Variants in HAUS7 observed in about 807,000 individuals in gnomAD.
HAUS7 encodes the protein HAUS augmin-like complex subunit 7.
HAUS7 carries 3 observed loss-of-function variants against 28.4 expected under a neutral mutation model. The observed-to-expected ratio is 0.11, with a 90% CI of 0.05 to 0.27. The LOEUF (loss-of-function observed/expected upper bound fraction) is 0.27. Among genes scored for constraint, HAUS7 ranks in the 10% least tolerant of loss-of-function variants. HAUS7 has a pLI of 1.00. For synonymous variants in HAUS7, 165 were observed against 132.1 expected (o/e 1.25, Z -1.71); for missense variants, 284 against 297.3 (o/e 0.96, Z 0.33).
intron 1 of HAUS7, chrX:153,481,637 T>C: frequency 1.3e-6 from 1 of 755,646 alleles, no homozygotes; most frequent in Non-Finnish European, 1.6e-6. Context: ...CTGACCACAC[T>C]CTACCTGGCA....
At chrX:153,464,817 AGAG>A (rs1427950606) in intron 3 of HAUS7, among the ~76,000 whole-genome samples, 168 bp downstream of exon 3, 3 of 112,013 alleles carry the variant, frequency 2.7e-5, no homozygotes, top group African/African-American at 9.7e-5. Context: ...GGTCCCTGCG[AGAG>A]GAGTTCTCCC....
intron 1 of HAUS7, among the ~76,000 whole-genome samples, chrX:153,484,598 G>A (rs1337088212): frequency 2.7e-5 from 3 of 112,268 alleles, no homozygotes; most frequent in Non-Finnish European, 3.8e-5. Flanking sequence ...GGCGGGGGTC[G>A]ACAGACAGTC....
At chrX:153,479,916 T>C (rs2089588124) in intron 1 of HAUS7, among the ~76,000 whole-genome samples, 1 of 111,553 alleles carries the variant, frequency 9.0e-6, no homozygotes, top group Non-Finnish European at 1.9e-5. Flanking sequence ...ACAGGAGGCA[T>C]TGGGGTTATC....
At chrX:153,462,565 A>T in intron 4 of HAUS7, 45 bp downstream of exon 4, 1 of 1,013,397 alleles carries the variant, frequency 9.9e-7, no homozygotes, top group Non-Finnish European at 1.4e-6. Context: ...TGCCCAGGGC[A>T]GAAAGCGTGC....
At chrX:153,470,874 C>T (rs2089516763), upstream of HAUS7, 1 of 344,953 alleles carries the variant, frequency 2.9e-6, no homozygotes. Context: ...GGGCGGACAC[C>T]GGGAAGGGGC....
At chrX:153,479,457 G>C in intron 1 of HAUS7, 2 of 670,336 alleles carry the variant, frequency 3.0e-6, no homozygotes. Flanking sequence ...TGGGTACTCA[G>C]GCAGGGCTGC....
chrX:153,479,061 G>A (rs1001667768), intron 1 of HAUS7, among the ~76,000 whole-genome samples: 11 of 111,000 alleles, frequency 9.9e-5, no homozygotes, highest in Non-Finnish European at 1.7e-4. Context: ...ACGTTGTGGG[G>A]AGTTGGGGGC....
chrX:153,454,729 G>T, intron 8 of HAUS7: 2 of 499,162 alleles, frequency 4.0e-6, no homozygotes, highest in South Asian at 3.0e-5. Flanking sequence ...TGGCCCAGTG[G>T]GGATGCCACA....
chrX:153,494,620 C>T (rs1556990259), intron 1 of HAUS7, among the ~76,000 whole-genome samples: 2 of 111,075 alleles, frequency 1.8e-5, no homozygotes, highest in Non-Finnish European at 3.8e-5. Flanking sequence ...CTCTGCCTGG[C>T]GAGATGCCAG....
At chrX:153,479,730 C>T (rs781806729) in intron 1 of HAUS7, among the ~76,000 whole-genome samples, 1 of 111,124 alleles carries the variant, frequency 9.0e-6, no homozygotes, top group East Asian at 2.9e-4. Context: ...AGGACATGGG[C>T]TATGAGTGTG....
At chrX:153,458,141 G>A (rs1298185957) in intron 4 of HAUS7, among the ~76,000 whole-genome samples, 1 of 113,324 alleles carries the variant, frequency 8.8e-6, no homozygotes, top group African/African-American at 3.2e-5. Context: ...CGGGGGCAAT[G>A]ATAAGGTAAA....
chrX:153,486,417 G>A (rs1602960414), intron 1 of HAUS7, among the ~76,000 whole-genome samples: 1 of 112,325 alleles, frequency 8.9e-6, no homozygotes, highest in East Asian at 2.8e-4. Flanking sequence ...ACAAGGGCTG[G>A]GGCTGGAGGC....
chrX:153,462,882 G>A (rs1272117320), intron 3 of HAUS7, among the ~76,000 whole-genome samples: 1 of 113,016 alleles, frequency 8.8e-6, no homozygotes, highest in African/African-American at 3.2e-5. Flanking sequence ...ATTAGGAATT[G>A]TACCCAATGC....
At chrX:153,464,153 A>G (rs1399067042) in intron 3 of HAUS7, among the ~76,000 whole-genome samples, 1 of 112,728 alleles carries the variant, frequency 8.9e-6, no homozygotes, top group African/African-American at 3.2e-5. Flanking sequence ...GAGGTAGGCA[A>G]GGCTGGGTTT....
chrX:153,481,725 C>T (rs2089601353), intron 1 of HAUS7: 2 of 737,431 alleles, frequency 2.7e-6, no homozygotes, highest in Non-Finnish European at 3.2e-6. Flanking sequence ...CACCCTGGCT[C>T]CCCTGAGCAG....
chrX:153,476,345 G>C (rs1556986252), intron 1 of HAUS7, among the ~76,000 whole-genome samples: 2 of 112,323 alleles, frequency 1.8e-5, no homozygotes, highest in Non-Finnish European at 3.8e-5. Flanking sequence ...CCCTGTCAGT[G>C]AGCAAAGAAT....
chrX:153,462,848 G>A (rs1394538375), intron 3 of HAUS7, among the ~76,000 whole-genome samples, 177 bp from the exon 4 acceptor site: 1 of 112,984 alleles, frequency 8.9e-6, no homozygotes, highest in African/African-American at 3.2e-5. Context: ...ACCCCTCTCT[G>A]GGCATCAGCT....
At chrX:153,459,885 G>A (rs896417603) in intron 4 of HAUS7, among the ~76,000 whole-genome samples, 3 of 111,663 alleles carry the variant, frequency 2.7e-5, no homozygotes, top group Admixed American at 9.5e-5. Context: ...GTGTGGTGGC[G>A]CATGCCTGTG....
chrX:153,480,676 C>T (rs1311104324), intron 1 of HAUS7: 2 of 753,357 alleles, frequency 2.7e-6, no homozygotes, highest in African/African-American at 4.6e-5. Context: ...AAGCAGGGAG[C>T]TCAAGGAACC....
Sources: allele counts gnomAD v4.1 joint callset (sites outside exome capture counted in the v4.1 genomes callset), GRCh38; gene constraint gnomAD v4.1.1; transcripts MANE v1.5; gene names NCBI Gene and HGNC (gene_info 2026-07-23, HGNC 2026-07-21).